Variants in RHCE observed in about 807,000 individuals in gnomAD.
The protein encoded by RHCE is Rh blood group CcEe antigens.
In RHCE, 22 loss-of-function variants were observed where a neutral mutation model predicts 43.8. That is an observed-to-expected ratio of 0.50 (90% CI 0.36 to 0.72). The LOEUF is 0.72. Among genes scored for constraint, RHCE ranks in the 30% least tolerant of loss-of-function variants. The pLI is 0.00. For synonymous variants in RHCE, 156 were observed against 210.7 expected (o/e 0.74, Z 2.25); for missense variants, 385 against 525.4 (o/e 0.73, Z 2.61).
chr1:25,415,496 T>C lies in RHCE; in HGVS notation c.148+5143A>G, dbSNP rs565610051. ...GGAGAAACCCCGTCTCTACTAAAAA[T>C]ACAAAATTAGCCGGGCGTGGTGGCG... is the stretch of plus-strand genomic sequence containing the variant. On this transcript the variant is annotated intron_variant, in intron 1 of 9. Coordinates refer to ENST00000294413, the MANE Select transcript of RHCE (RefSeq NM_020485.8). Among the ~76,000 whole-genome samples the C allele has an allele frequency of 3.4e-3, 515 of 152,052 alleles. 2 individuals carry two copies. The highest frequency in any genetic ancestry group is 6.7e-3 in the South Asian group (32 of 4,810).
At chr1:25,398,989 C>G in intron 3 of RHCE, 2 of 1,200,146 alleles carry the variant, frequency 1.7e-6, no homozygotes, top group Non-Finnish European at 2.5e-6. Context: ...CCTTGCTCTG[C>G]GACGGACTAT....
chr1:25,375,930 A>G (rs936722117), intron 7 of RHCE, among the ~76,000 whole-genome samples: 3 of 149,902 alleles, frequency 2.0e-5, no homozygotes, highest in African/African-American at 7.4e-5. Flanking sequence ...AGCTGGGACT[A>G]CAGGCATGCG....
intron 2 of RHCE, among the ~76,000 whole-genome samples, chr1:25,408,139 C>T (rs1267641970): frequency 8.2e-6 from 1 of 121,640 alleles, no homozygotes; most frequent in East Asian, 4.2e-4. Flanking sequence ...AATACAAAAT[C>T]AGCCAGGTGT....
At chr1:25,397,865 C>G (rs1219214930) in intron 3 of RHCE, among the ~76,000 whole-genome samples, 1 of 144,494 alleles carries the variant, frequency 6.9e-6, no homozygotes, top group Non-Finnish European at 1.5e-5. Flanking sequence ...CCACCACCTC[C>G]TATCTGTCCG....
chr1:25,403,637 T>C (rs1646824639), intron 2 of RHCE, among the ~76,000 whole-genome samples: 1 of 151,822 alleles, frequency 6.6e-6, no homozygotes, highest in African/African-American at 2.4e-5. Flanking sequence ...GTGGGGTTCA[T>C]TGGAAGGAGA....
At chr1:25,374,565 T>C (rs61580512) in intron 8 of RHCE, among the ~76,000 whole-genome samples, 10,756 of 145,306 alleles carry the variant, frequency 0.074, 1,212 homozygotes, top group African/African-American at 0.26. Context: ...CCTCAACCCC[T>C]GCTGCTCCTT....
At chr1:25,402,033 T>G (rs1646763962) in intron 3 of RHCE, among the ~76,000 whole-genome samples, 1 of 151,704 alleles carries the variant, frequency 6.6e-6, no homozygotes, top group African/African-American at 2.4e-5. Context: ...CCTGCCACCA[T>G]GCGCAGCTAA....
At chr1:25,389,430 G>A (rs888139502) in intron 5 of RHCE, among the ~76,000 whole-genome samples, 1 of 152,118 alleles carries the variant, frequency 6.6e-6, no homozygotes, top group African/African-American at 2.4e-5. Flanking sequence ...TGGACAGCGG[G>A]AAGAATGGGT....
chr1:25,416,829 T>A (rs1479211387), intron 1 of RHCE, among the ~76,000 whole-genome samples: 2 of 97,510 alleles, frequency 2.1e-5, no homozygotes, highest in African/African-American at 9.9e-5. Context: ...CGGGGGGGGG[T>A]CTCCCTATGT....
rs1491022978 is a variant in RHCE, at chr1:25,406,253, G to GCT, written c.335+2429_335+2430insAG. Among the ~76,000 whole-genome samples the GCT allele has an allele frequency of 7.1e-4, 55 of 77,844 alleles. 6 individuals are homozygous for GCT. Among genetic ancestry groups the GCT allele is most frequent in the African/African-American group, 6.3e-3 (54 of 8,546 alleles). The allele number at this position is 77,844 out of a possible 152,430, so 51.1% of individuals were successfully genotyped here. On this transcript the variant is annotated intron_variant, in intron 2 of 9. Transcript: ENST00000294413. ...TGCGGGCGTGCGTGCGTGCGTGCGTGTGTGTGTGTGTGTGTGTGTGTGTAT... is the reference window on the plus strand; with the variant it reads ...TGCGGGCGTGCGTGCGTGCGTGCGTGCTTGTGTGTGTGTGTGTGTGTGTGTAT...
At chr1:25,377,207 T>G (rs1429969527) in intron 7 of RHCE, among the ~76,000 whole-genome samples, 6 of 152,042 alleles carry the variant, frequency 3.9e-5, no homozygotes, top group Non-Finnish European at 5.9e-5. Flanking sequence ...AATTAAGTGA[T>G]TTTTAGAAAA....
At position 25,369,102 on chromosome 1, in the gene RHCE, A is replaced by C. The variant is rs995796701; in HGVS notation, c.1227+1365T>G. 2.5e-4 allele frequency among the ~76,000 whole-genome samples: 38 copies of C among 151,938 alleles called. 1 individual carries two copies. The highest frequency in any genetic ancestry group is 9.0e-4 in the African/African-American group (37 of 41,226). ...ATTGTATGCCAGTTACACCTCAAAA[A>C]GCTATTTGAAGAGGAAGAAGAAGAG... On this transcript the variant is annotated intron_variant, in intron 9 of 9. Coordinates refer to ENST00000294413, the MANE Select transcript of RHCE (RefSeq NM_020485.8).
intron 8 of RHCE, 95 bp from the exon 9 acceptor site, chr1:25,370,635 G>A (rs112884905): frequency 3.3e-5 from 36 of 1,093,148 alleles, no homozygotes; most frequent in African/African-American, 3.2e-4. Context: ...AAACGACAGT[G>A]TCTCAACAGA....
chr1:25,397,267 C>T (rs1307361639), intron 3 of RHCE, among the ~76,000 whole-genome samples: 3 of 149,628 alleles, frequency 2.0e-5, no homozygotes, highest in African/African-American at 4.9e-5. Flanking sequence ...GAGGCCAAGG[C>T]GGGTGGATCA....
At chr1:25,379,480 TA>T (rs1557605207) in intron 7 of RHCE, among the ~76,000 whole-genome samples, 34 of 10,336 alleles carry the variant, frequency 3.3e-3, no homozygotes, top group African/African-American at 0.013. Flanking sequence ...TATATATATA[TA>T]TATATATATA....
At chr1:25,425,557 C>G (rs902749386), upstream of RHCE, among the ~76,000 whole-genome samples, 1 of 152,220 alleles carries the variant, frequency 6.6e-6, no homozygotes, top group African/African-American at 2.4e-5. Context: ...AAGATGTACT[C>G]TGGTCTCCTC....
intron 6 of RHCE, among the ~76,000 whole-genome samples, chr1:25,386,680 G>C (rs1309569891): frequency 6.6e-6 from 1 of 152,170 alleles, no homozygotes; most frequent in South Asian, 2.1e-4. Context: ...AAATTAGCTG[G>C]GCGTGGTGGA....
upstream of RHCE, among the ~76,000 whole-genome samples, chr1:25,424,286 G>A (rs1192164258): frequency 6.6e-6 from 1 of 151,982 alleles, no homozygotes; most frequent in African/African-American, 2.4e-5. Flanking sequence ...TAACCTCATC[G>A]AAAGTCAAGG....
intron 3 of RHCE, among the ~76,000 whole-genome samples, chr1:25,395,401 CAGAG>C (rs1245258673): frequency 6.6e-6 from 1 of 152,152 alleles, no homozygotes. Context: ...GTTAGATGTA[CAGAG>C]AGAATCAGAG....
Sources: allele counts gnomAD v4.1 joint callset (sites outside exome capture counted in the v4.1 genomes callset), GRCh38; gene constraint gnomAD v4.1.1; transcripts MANE v1.5; gene names NCBI Gene and HGNC (gene_info 2026-07-23, HGNC 2026-07-21).